ANKFY1: variants seen among roughly 807,000 people sequenced by gnomAD.
ANKFY1 encodes ankyrin repeat and FYVE domain-containing protein 1.
Under a neutral mutation model 128.3 loss-of-function variants are expected in ANKFY1, and 47 were observed. The observed-to-expected ratio is 0.37, with a 90% CI of 0.29 to 0.47. The LOEUF (loss-of-function observed/expected upper bound fraction) is 0.47, where lower values mean the gene tolerates loss of function less well. ANKFY1 is among the 20% of genes least tolerant of loss of function. The pLI, the probability that ANKFY1 is intolerant of heterozygous loss-of-function variation, is 1.00. For missense variants in ANKFY1, 1,222 were observed against 1,510.6 expected (o/e 0.81, Z 3.17); for synonymous variants, 553 against 601.6 (o/e 0.92, Z 1.18).
intron 3 of ANKFY1, chr17:4,222,206 GCGC>G (rs200610947): frequency 0.53 from 117,394 of 221,136 alleles, 33,957 homozygotes; most frequent in South Asian, 0.65. Flanking sequence ...CCCGCGCCTG[GCGC>G]CGCCGCCCCC....
intron 12 of ANKFY1, 120 bp from the exon 13 acceptor site, chr17:4,184,030 A>C: frequency 1.3e-6 from 1 of 784,406 alleles, no homozygotes; most frequent in Non-Finnish European, 2.1e-6. Context: ...TGCTATAAAA[A>C]GAGAGTAGAT....
At chr17:4,209,308 T>G (rs2060083470) in intron 5 of ANKFY1, among the ~76,000 whole-genome samples, 1 of 151,884 alleles carries the variant, frequency 6.6e-6, no homozygotes, top group Non-Finnish European at 1.5e-5. Flanking sequence ...CTATCTTTTT[T>G]GGGGGGGCGG....
At chr17:4,229,483 T>A (rs1254948057) in intron 3 of ANKFY1, among the ~76,000 whole-genome samples, 1 of 151,096 alleles carries the variant, frequency 6.6e-6, no homozygotes, top group Non-Finnish European at 1.5e-5. Flanking sequence ...AAAAAATAAT[T>A]CAAAGGAATT....
chr17:4,242,186 G>A (rs1967272234), intron 2 of ANKFY1, 70 bp downstream of exon 2: 1 of 1,376,138 alleles, frequency 7.3e-7, no homozygotes, highest in African/African-American at 1.5e-5. Flanking sequence ...GGAAGAAAGT[G>A]AATGAGAAAA....
intron 7 of ANKFY1, 83 bp from the exon 8 acceptor site, chr17:4,197,660 G>A: frequency 7.7e-7 from 1 of 1,293,748 alleles, no homozygotes; most frequent in Non-Finnish European, 1.1e-6. Flanking sequence ...GAAAATGACT[G>A]CAGACAAAGG....
At chr17:4,173,212 A>G (rs757576937) in intron 21 of ANKFY1, 142 bp downstream of exon 21, 89 of 703,630 alleles carry the variant, frequency 1.3e-4, no homozygotes, top group Non-Finnish European at 1.8e-4. Context: ...AAAAGTACCA[A>G]AATAAAGTAC....
intron 8 of ANKFY1, among the ~76,000 whole-genome samples, 171 bp from the exon 9 acceptor site, chr17:4,195,642 A>C (rs1458880695): frequency 1.3e-5 from 2 of 152,180 alleles, no homozygotes; most frequent in Non-Finnish European, 1.5e-5. Flanking sequence ...GGATCTGCTT[A>C]TATGTGACCA....
intron 23 of ANKFY1, among the ~76,000 whole-genome samples, chr17:4,170,164 G>A (rs183509478): frequency 4.7e-4 from 72 of 152,344 alleles, no homozygotes; most frequent in African/African-American, 1.7e-3. Context: ...TGGCTACCGG[G>A]GATGTCGGAG....
chr17:4,247,822 C>T (rs1967629386), intron 1 of ANKFY1, among the ~76,000 whole-genome samples: 1 of 152,196 alleles, frequency 6.6e-6, no homozygotes, highest in Non-Finnish European at 1.5e-5. Context: ...GCAGGTGACT[C>T]ATTCTCTTCA....
intron 4 of ANKFY1, among the ~76,000 whole-genome samples, chr17:4,210,918 G>A (rs2060118126): frequency 1.3e-5 from 2 of 151,688 alleles, no homozygotes; most frequent in African/African-American, 4.9e-5. Context: ...TGTAGTCCCA[G>A]CTACTCAGGA....
intron 10 of ANKFY1, among the ~76,000 whole-genome samples, chr17:4,189,958 G>T (rs998906800): frequency 6.6e-6 from 1 of 152,148 alleles, no homozygotes; most frequent in African/African-American, 2.4e-5. Context: ...TTCCTCCCTG[G>T]GATTCCCGCT....
At chr17:4,239,114 TA>T (rs1967069310) in intron 2 of ANKFY1, among the ~76,000 whole-genome samples, 1 of 152,162 alleles carries the variant, frequency 6.6e-6, no homozygotes, top group South Asian at 2.1e-4. Context: ...GATCATACCA[TA>T]ACTAGCTAAA....
chr17:4,207,040 G>A (rs1008853313), intron 6 of ANKFY1, among the ~76,000 whole-genome samples: 1 of 152,122 alleles, frequency 6.6e-6, no homozygotes, highest in Non-Finnish European at 1.5e-5. Context: ...ATGGCAAAAG[G>A]CACTTTGAGG....
chr17:4,254,075 G>A (rs1019623710), intron 1 of ANKFY1, among the ~76,000 whole-genome samples: 1 of 152,112 alleles, frequency 6.6e-6, no homozygotes, highest in South Asian at 2.1e-4. Flanking sequence ...AGAAGCCAAG[G>A]TAGGCAGATC....
intron 11 of ANKFY1, chr17:4,187,891 C>T (rs2059640853): frequency 6.6e-6 from 1 of 152,264 alleles, no homozygotes; most frequent in Admixed American, 6.5e-5. Flanking sequence ...TGGTCTCCAA[C>T]TCCTGACCTC....
chr17:4,222,658 T>C, intron 3 of ANKFY1: 1 of 926,282 alleles, frequency 1.1e-6, no homozygotes, highest in Non-Finnish European at 1.8e-6. Flanking sequence ...AAGGAAAATG[T>C]GCACCAAAAA....
At chr17:4,232,588 T>C (rs1330453134) in intron 3 of ANKFY1, among the ~76,000 whole-genome samples, 1 of 152,230 alleles carries the variant, frequency 6.6e-6, no homozygotes, top group East Asian at 1.9e-4. Flanking sequence ...AACCTTATAG[T>C]AGAATCAAAA....
intron 11 of ANKFY1, chr17:4,187,383 C>A (rs1389908550): frequency 2.3e-5 from 9 of 397,332 alleles, no homozygotes; most frequent in Admixed American, 4.4e-5. Flanking sequence ...CTGGACTCCA[C>A]GGCACACCCA....
At chr17:4,179,561 A>C (rs2059471753) in intron 17 of ANKFY1, 160 bp downstream of exon 17, 1 of 919,240 alleles carries the variant, frequency 1.1e-6, no homozygotes, top group Admixed American at 2.4e-5. Flanking sequence ...GGCACAGAGA[A>C]GCACAGTCAG....
Sources: gnomAD v4.1 joint callset for allele counts (sites outside exome capture counted in the v4.1 genomes callset) on GRCh38, gnomAD v4.1.1 for gene constraint, MANE v1.5 for transcripts, NCBI Gene and HGNC (gene_info 2026-07-23, HGNC 2026-07-21) for gene names.